COL4A3: variants seen among roughly 807,000 people sequenced by gnomAD.
COL4A3 encodes the protein collagen alpha-3(IV) chain.
A neutral mutation model predicts 217.4 loss-of-function variants in COL4A3; 135 were observed. The observed-to-expected ratio is 0.62, with a 90% CI of 0.54 to 0.72. The LOEUF (loss-of-function observed/expected upper bound fraction) is 0.72, where lower values mean the gene tolerates loss of function less well. COL4A3 is among the 30% of genes least tolerant of loss of function. The pLI is 0.00. For missense variants in COL4A3, 1,868 were observed against 2,119.9 expected, an observed-to-expected ratio of 0.88 and a Z score of 2.33; for synonymous variants, 690 against 736.3, an observed-to-expected ratio of 0.94 and a Z score of 1.02.
Position 227,254,192 on chromosome 2 carries a change from A to T in COL4A3, c.828+18A>T, listed in dbSNP as rs765813832. On this transcript the variant is annotated intron_variant, in intron 14 of 51. Coordinates refer to ENST00000396578, the MANE Select transcript of COL4A3 (RefSeq NM_000091.5). ...GACCCTCAGTAGGTTATTTAAAGTT[A>T]TATTGTCCCCATAACACATAAAGTA... The T allele has an allele frequency of 6.2e-7, 1 of 1,607,346 alleles. No homozygotes were observed. Among genetic ancestry groups the T allele is most frequent in the South Asian group, 1.1e-5 (1 of 90,946 alleles).
chr2:227,202,735 TAAAAAAA>T lies in COL4A3; in HGVS notation c.88-35227_88-35221del, dbSNP rs370401800. Among the ~76,000 whole-genome samples, 2 of 44,650 alleles carry T rather than the reference TAAAAAAA, an allele frequency of 4.5e-5. 1 individual carries two copies. The highest frequency in any genetic ancestry group is 7.8e-5 in the Non-Finnish European group (2 of 25,558). The allele number at this position is 44,650 out of a possible 152,430, so 29.3% of individuals were successfully genotyped here. ...GGGAGAAAGTGCGAGAATCCGTCTC[TAAAAAAA>T]AAAAATATATATATATATATATATA... On this transcript the variant is annotated intron_variant, in intron 1 of 51. Coordinates refer to ENST00000396578, the MANE Select transcript of COL4A3 (RefSeq NM_000091.5).
chr2:227,267,209 T>A (rs2070952876), intron 23 of COL4A3, 121 bp downstream of exon 23: 1 of 741,328 alleles, frequency 1.3e-6, no homozygotes, highest in Non-Finnish European at 2.4e-6. Flanking sequence ...GGAGGGAGAG[T>A]TTCAAAAACA....
intron 1 of COL4A3, among the ~76,000 whole-genome samples, chr2:227,195,667 A>ATATATGTGTG (rs1226857286): frequency 1.1e-4 from 15 of 139,892 alleles, no homozygotes; most frequent in Non-Finnish European, 1.7e-4. Flanking sequence ...ATATATATAT[A>ATATATGTGTG]TGTGTGTGTG....
At chr2:227,221,704 T>C (rs899621416) in intron 1 of COL4A3, among the ~76,000 whole-genome samples, 2 of 152,208 alleles carry the variant, frequency 1.3e-5, no homozygotes, top group African/African-American at 4.8e-5. Context: ...GTGTGTATTA[T>C]ACATATATAT....
rs778606063 is a variant in COL4A3, at chr2:227,251,221, T to C, written c.609+19T>C. The C allele has an allele frequency of 1.4e-5, 22 of 1,610,028 alleles. No individual in the cohort carries two copies. Among genetic ancestry groups the C allele is most frequent in the Non-Finnish European group, 1.7e-5 (20 of 1,176,660 alleles). On this transcript the variant is annotated intron_variant, in intron 10 of 51. Coordinates refer to ENST00000396578, the MANE Select transcript of COL4A3 (RefSeq NM_000091.5). Reference sequence around the variant, plus strand: ...ATTCTTTGTGAGTATCAAGTCATCCTTGCTACAGACTCTGTCAACTAATAG... The same window carrying C: ...ATTCTTTGTGAGTATCAAGTCATCCCTGCTACAGACTCTGTCAACTAATAG...
At chr2:227,277,920 CAA>C (rs67619387) in intron 28 of COL4A3, among the ~76,000 whole-genome samples, 11 of 149,074 alleles carry the variant, frequency 7.4e-5, no homozygotes, top group Admixed American at 4.0e-4. Flanking sequence ...GACTCTGTCT[CAA>C]AAAAAAAAAT....
intron 13 of COL4A3, 87 bp from the exon 14 acceptor site, chr2:227,254,025 T>C (rs533092684): frequency 1.3e-5 from 16 of 1,236,882 alleles, no homozygotes; most frequent in African/African-American, 1.2e-4. Flanking sequence ...CCCAGTTTAT[T>C]GAACAGATAG....
intron 1 of COL4A3, among the ~76,000 whole-genome samples, chr2:227,171,217 C>T (rs2065462367): frequency 6.6e-6 from 1 of 152,214 alleles, no homozygotes; most frequent in Admixed American, 6.5e-5. Context: ...AATCTGACTT[C>T]TAATAATCAT....
chr2:227,211,250 C>T (rs13402097), intron 1 of COL4A3, among the ~76,000 whole-genome samples: 11,953 of 152,088 alleles, frequency 0.079, 679 homozygotes, highest in African/African-American at 0.16. Context: ...CCGCCCACCT[C>T]GGCCTCCCAA....
intron 16 of COL4A3, 134 bp from the exon 17 acceptor site, chr2:227,256,209 T>A: frequency 8.8e-7 from 1 of 1,135,710 alleles, no homozygotes; most frequent in South Asian, 1.3e-5. Context: ...GAATCATAGT[T>A]TTACATCCCC....
chr2:227,172,379 G>C (rs959708405), intron 1 of COL4A3, among the ~76,000 whole-genome samples: 2 of 152,050 alleles, frequency 1.3e-5, no homozygotes, highest in African/African-American at 2.4e-5. Flanking sequence ...TCTGGGTGCT[G>C]GTAAGGGCCC....
intron 1 of COL4A3, among the ~76,000 whole-genome samples, chr2:227,215,343 C>G (rs1390710347): frequency 6.7e-6 from 1 of 150,338 alleles, no homozygotes; most frequent in African/African-American, 2.5e-5. Context: ...TAGGTTCTTA[C>G]AAAAATATCA....
Position 227,286,363 on chromosome 2 carries a change from G to T in COL4A3, c.2881+2018G>T, listed in dbSNP as rs371831261. Reference sequence around the variant, plus strand: ...AAAAATTAGCCAGGGTGGGCGGGGTGGGGAGCCTGTAATTCCAGCTAGTCA... The same window carrying T: ...AAAAATTAGCCAGGGTGGGCGGGGTTGGGAGCCTGTAATTCCAGCTAGTCA... On this transcript the variant is annotated intron_variant, in intron 34 of 51. Transcript: ENST00000396578. Among the ~76,000 whole-genome samples, 6 of 143,330 alleles carry T rather than the reference G, an allele frequency of 4.2e-5. No homozygotes were observed. The East Asian group carries it at 1.5e-3, about 35-fold the overall frequency. 94.0% of individuals were successfully genotyped at this position (143,330 alleles called of 152,430 possible).
chr2:227,309,137 A>G, intron 49 of COL4A3, 61 bp downstream of exon 49: 1 of 1,611,336 alleles, frequency 6.2e-7, no homozygotes, highest in Non-Finnish European at 8.5e-7. Flanking sequence ...CTTGTAATGG[A>G]ATGAAAGGCA....
chr2:227,197,993 T>A (rs1365292506), intron 1 of COL4A3, among the ~76,000 whole-genome samples: 1 of 152,236 alleles, frequency 6.6e-6, no homozygotes, highest in East Asian at 1.9e-4. Flanking sequence ...CTGCCTTCTC[T>A]GTAAGTTGTG....
chr2:227,202,867 A>ATGTGTATATATACATATG (rs2066780686), intron 1 of COL4A3, among the ~76,000 whole-genome samples: 1 of 58,270 alleles, frequency 1.7e-5, no homozygotes, highest in Non-Finnish European at 3.1e-5. Flanking sequence ...ATATACATAT[A>ATGTGTATATATACATATG]TGTGTATATA....
At position 227,314,154 on chromosome 2, in the gene COL4A3, G is replaced by C. The variant is rs1012432171; in HGVS notation, c.*2284G>C. 1.3e-5 allele frequency: 2 copies of C among 152,616 alleles called. No individual in the cohort carries two copies. Among genetic ancestry groups the C allele is most frequent in the Non-Finnish European group, 2.9e-5 (2 of 68,048 alleles). The allele number at this position is 152,616 out of a possible 1,614,324, so 9.5% of individuals were successfully genotyped here. On this transcript the variant is annotated 3_prime_UTR_variant, in exon 52 of 52. Transcript: ENST00000396578. Reference sequence around the variant, plus strand: ...TAAGGTTATCTACTTTTACTCATAAGTAAAAGCCCTAGACTGGTGCTAATG... The same window carrying C: ...TAAGGTTATCTACTTTTACTCATAACTAAAAGCCCTAGACTGGTGCTAATG...
chr2:227,223,118 A>C (rs2067901927), intron 1 of COL4A3, among the ~76,000 whole-genome samples: 1 of 146,836 alleles, frequency 6.8e-6, no homozygotes, highest in African/African-American at 2.5e-5. Flanking sequence ...TGATATGCTA[A>C]GGAAGTTCTC....
rs1364744117 is a variant in COL4A3, at chr2:227,238,023, A to G, written c.143A>G (p.Lys48Arg). ...QCFCDGAKGE[K>R]GEKGFPGPPG... is the part of the protein sequence containing the mutation. ...TTCTGTGACGGGGCCAAAGGGGAGA[A>G]GGTAAAAACAAACCCTAATACTGCT... is the stretch of plus-strand genomic sequence containing the variant. The change falls in exon 2 of 52, where the codon AAG becomes AGG. Residue 48 changes from lysine (K) to arginine (R), a missense_variant and splice_region_variant. Transcript: ENST00000396578. The G allele has an allele frequency of 1.3e-6, 2 of 1,598,742 alleles. No homozygotes were observed. The highest frequency in any genetic ancestry group is 3.3e-4 in the Middle Eastern group (2 of 6,030).
Sources: allele counts gnomAD v4.1 joint callset (sites outside exome capture counted in the v4.1 genomes callset), GRCh38; gene constraint gnomAD v4.1.1; transcripts MANE v1.5; gene names NCBI Gene and HGNC (gene_info 2026-07-23, HGNC 2026-07-21).